Variants in PLCL2 observed in about 807,000 individuals in gnomAD.
PLCL2 encodes the protein phospholipase C like 2.
Under a neutral mutation model 79.6 loss-of-function variants are expected in PLCL2, and 4 were observed. The observed-to-expected ratio is 0.05, with a 90% CI of 0.02 to 0.11. The LOEUF (loss-of-function observed/expected upper bound fraction) is 0.11. PLCL2 is among the 10% of genes least tolerant of loss of function. PLCL2 has a pLI of 1.00. For synonymous variants in PLCL2, 484 were observed against 457.7 expected, an observed-to-expected ratio of 1.06 and a Z score of -0.73; for missense variants, 895 against 1,291.0, an observed-to-expected ratio of 0.69 and a Z score of 4.70.
At chr3:17,087,750 C>T (rs1009561409) in intron 5 of PLCL2, among the ~76,000 whole-genome samples, 5 of 151,968 alleles carry the variant, frequency 3.3e-5, no homozygotes, top group East Asian at 3.9e-4. Flanking sequence ...AGGGAGGGAG[C>T]GTAAGGGAAC....
chr3:16,957,029 T>G (rs2063712210), intron 1 of PLCL2, among the ~76,000 whole-genome samples: 1 of 152,206 alleles, frequency 6.6e-6, no homozygotes. Flanking sequence ...TCTATTTCCT[T>G]CAGTTCTGCT....
chr3:16,906,271 G>A lies in PLCL2; in HGVS notation c.327+20905G>A, dbSNP rs187798845. ...CCAGTGAATAAGTTGGCCCTGAGGT[G>A]TGCAGATCATCTCTTGATTTTTTTT... On this transcript the variant is annotated intron_variant, in intron 1 of 5. Transcript: ENST00000615277. Among the ~76,000 whole-genome samples, 381 of 152,282 alleles carry A rather than the reference G, an allele frequency of 2.5e-3. 1 individual carries two copies. Among genetic ancestry groups the A allele is most frequent in the African/African-American group, 8.2e-3 (340 of 41,556 alleles).
At chr3:16,891,338 G>A (rs1400988559) in intron 1 of PLCL2, among the ~76,000 whole-genome samples, 1 of 152,228 alleles carries the variant, frequency 6.6e-6, no homozygotes, top group Non-Finnish European at 1.5e-5. Context: ...TGATGTGTGA[G>A]CAGTGTGTGG....
intron 1 of PLCL2, among the ~76,000 whole-genome samples, chr3:16,972,958 A>T (rs2063888534): frequency 6.6e-6 from 1 of 152,144 alleles, no homozygotes; most frequent in Non-Finnish European, 1.5e-5. Flanking sequence ...TGTGCCTTTT[A>T]ATTGGGACAC....
At chr3:17,007,175 C>T (rs1158230569) in intron 1 of PLCL2, among the ~76,000 whole-genome samples, 1 of 152,088 alleles carries the variant, frequency 6.6e-6, no homozygotes, top group African/African-American at 2.4e-5. Flanking sequence ...AGACATCGGT[C>T]AGGCGTGGTG....
chr3:17,057,046 A>G (rs2064899002), intron 4 of PLCL2, among the ~76,000 whole-genome samples: 2 of 152,200 alleles, frequency 1.3e-5, no homozygotes, highest in South Asian at 4.1e-4. Flanking sequence ...AGTAAAAATT[A>G]GGTTGGAAAT....
intron 1 of PLCL2, among the ~76,000 whole-genome samples, chr3:16,970,809 C>T (rs1295738981): frequency 6.7e-6 from 1 of 148,328 alleles, no homozygotes; most frequent in Non-Finnish European, 1.5e-5. Context: ...TCTCTGATGG[C>T]CAGTGATGGT....
At chr3:17,023,164 A>G (rs986132664) in intron 3 of PLCL2, among the ~76,000 whole-genome samples, 1 of 152,158 alleles carries the variant, frequency 6.6e-6, no homozygotes. Context: ...GAGTCACTCA[A>G]TACTGCAAGA....
intron 1 of PLCL2, among the ~76,000 whole-genome samples, chr3:16,969,656 C>A (rs2063838724): frequency 6.6e-6 from 1 of 151,970 alleles, no homozygotes; most frequent in Non-Finnish European, 1.5e-5. Flanking sequence ...GTCTAGCTAG[C>A]AGTCTATCCG....
At chr3:16,947,678 C>T (rs1282174374) in intron 1 of PLCL2, among the ~76,000 whole-genome samples, 1 of 152,066 alleles carries the variant, frequency 6.6e-6, no homozygotes, top group African/African-American at 2.4e-5. Flanking sequence ...CTACCTTTGC[C>T]ACCAAAATGT....
intron 1 of PLCL2, among the ~76,000 whole-genome samples, chr3:16,952,664 A>G (rs2063665602): frequency 6.6e-6 from 1 of 152,088 alleles, no homozygotes; most frequent in African/African-American, 2.4e-5. Context: ...AAAACAATAC[A>G]TGTACATTAA....
At chr3:17,039,994 G>A (rs945955917) in intron 3 of PLCL2, among the ~76,000 whole-genome samples, 2 of 152,214 alleles carry the variant, frequency 1.3e-5, no homozygotes, top group African/African-American at 4.8e-5. Context: ...CCAAAGGGCT[G>A]TAGCTTCAGA....
intron 1 of PLCL2, among the ~76,000 whole-genome samples, chr3:16,912,147 C>G (rs1207734579): frequency 6.6e-6 from 1 of 152,056 alleles, no homozygotes. Context: ...TCATAGTCAC[C>G]CTCCCCAGTG....
At position 16,910,078 on chromosome 3, in the gene PLCL2, C is replaced by T. The variant is rs186410798; in HGVS notation, c.327+24712C>T. Among the ~76,000 whole-genome samples the T allele has an allele frequency of 1.4e-4, 22 of 152,330 alleles. No homozygotes were observed. In the East Asian group the frequency reaches 3.1e-3, roughly 21 times the overall value. On this transcript the variant is annotated intron_variant, in intron 1 of 5. Transcript: ENST00000615277. ...TTCATAAGCAGCTCTCCCCACCTCT[C>T]CTGTAGCACCAGTTTTCACTCTCTA... is the stretch of plus-strand genomic sequence containing the variant.
At chr3:16,964,703 A>T (rs2124973144) in intron 1 of PLCL2, among the ~76,000 whole-genome samples, 1 of 151,774 alleles carries the variant, frequency 6.6e-6, no homozygotes, top group Non-Finnish European at 1.5e-5. Context: ...CTTTTTAATG[A>T]TTGCCATTCT....
chr3:16,919,626 G>A (rs192946144), intron 1 of PLCL2, among the ~76,000 whole-genome samples: 2 of 152,092 alleles, frequency 1.3e-5, no homozygotes, highest in East Asian at 3.9e-4. Flanking sequence ...AAAGTTGTGT[G>A]CTTAGCTCTT....
intron 1 of PLCL2, among the ~76,000 whole-genome samples, chr3:16,902,853 CGT>C (rs1219764598): frequency 1.9e-3 from 80 of 42,268 alleles, no homozygotes; most frequent in African/African-American, 3.6e-3. Context: ...AAATGCAGTG[CGT>C]GTGTGTGTGT....
chr3:16,964,479 A>G (rs1288773683), intron 1 of PLCL2, among the ~76,000 whole-genome samples: 1 of 152,210 alleles, frequency 6.6e-6, no homozygotes, highest in Non-Finnish European at 1.5e-5. Flanking sequence ...TGCAATAAAA[A>G]TACGTGTGCA....
At chr3:17,088,830 C>T (rs945522752) in intron 5 of PLCL2, among the ~76,000 whole-genome samples, 4 of 152,166 alleles carry the variant, frequency 2.6e-5, no homozygotes, top group Non-Finnish European at 4.4e-5. Flanking sequence ...TTGTCAGCAC[C>T]GATTCCAGAC....
Sources: gnomAD v4.1 joint callset for allele counts (sites outside exome capture counted in the v4.1 genomes callset) on GRCh38, gnomAD v4.1.1 for gene constraint, MANE v1.5 for transcripts, NCBI Gene and HGNC (gene_info 2026-07-23, HGNC 2026-07-21) for gene names.